The following FGF14 variants were observed in gnomAD, a reference collection of about 807,000 sequenced individuals.
The protein encoded by FGF14 is fibroblast growth factor 14.
Under a neutral mutation model 25.5 loss-of-function variants are expected in FGF14, and 5 were observed. The ratio of observed to expected loss-of-function variants is 0.20; its 90% CI spans 0.10 to 0.41. The LOEUF is 0.41. Ranked by LOEUF, FGF14 falls within the 10% of genes least tolerant of loss-of-function variation. FGF14 has a pLI of 1.00. For synonymous variants in FGF14, 138 were observed against 118.3 expected, an observed-to-expected ratio of 1.17 and a Z score of -1.08; for missense variants, 222 against 320.1, an observed-to-expected ratio of 0.69 and a Z score of 2.34.
At chr13:102,198,228 G>T (rs564612778) in intron 1 of FGF14, among the ~76,000 whole-genome samples, 2 of 152,272 alleles carry the variant, frequency 1.3e-5, no homozygotes, top group East Asian at 3.9e-4. Context: ...ACAGTGCTAG[G>T]CAAGAATCAG....
In FGF14 at chr13:102,041,583, T is replaced by TAAAAAAAAAAAAAAAA. The variant is rs11430268; in HGVS notation, c.209-166288_209-166287insTTTTTTTTTTTTTTTT. Among the ~76,000 whole-genome samples the TAAAAAAAAAAAAAAAA allele has an allele frequency of 1.9e-3, 270 of 141,824 alleles. 2 individuals are homozygous for TAAAAAAAAAAAAAAAA. Among genetic ancestry groups the TAAAAAAAAAAAAAAAA allele is most frequent in the Middle Eastern group, 7.6e-3 (2 of 262 alleles). 93.0% of individuals were successfully genotyped at this position (141,824 alleles called of 152,430 possible). A position where few individuals can be genotyped will look rare whatever the true frequency, so the allele number is the denominator to read the frequency against. On this transcript the variant is annotated intron_variant, in intron 1 of 4. Transcript: ENST00000376131. ...GCAAAAATTACTTTGTGTTTCCATG[T>TAAAAAAAAAAAAAAAA]AAAAAAAAAAAAAGAGAGATTTTAT...
intron 1 of FGF14, among the ~76,000 whole-genome samples, chr13:102,166,072 A>G (rs1312980884): frequency 6.6e-6 from 1 of 151,458 alleles, no homozygotes; most frequent in African/African-American, 2.4e-5. Context: ...CTCTGCATCC[A>G]TTGAACACTC....
At chr13:101,821,122 G>C (rs1334800623) in intron 3 of FGF14, among the ~76,000 whole-genome samples, 1 of 151,404 alleles carries the variant, frequency 6.6e-6, no homozygotes, top group Non-Finnish European at 1.5e-5. Context: ...CTAATTTTTT[G>C]TATTTTTAGT....
intron 2 of FGF14, among the ~76,000 whole-genome samples, chr13:101,873,660 G>T (rs1422623179): frequency 6.6e-6 from 1 of 152,090 alleles, no homozygotes; most frequent in Non-Finnish European, 1.5e-5. Flanking sequence ...AAGGGGAAAA[G>T]AAACTGAGCA....
chr13:102,056,721 T>A (rs1011187059), intron 1 of FGF14, among the ~76,000 whole-genome samples: 1 of 151,210 alleles, frequency 6.6e-6, no homozygotes, highest in Non-Finnish European at 1.5e-5. Flanking sequence ...GATCCTACAG[T>A]GATTCAACAA....
At position 101,932,706 on chromosome 13, in the gene FGF14, G is replaced by A. The variant is rs150334536; in HGVS notation, c.209-57410C>T. 6.7e-3 allele frequency among the ~76,000 whole-genome samples: 993 copies of A among 149,230 alleles called. 7 individuals are homozygous for A. The highest frequency in any genetic ancestry group is 0.023 in the African/African-American group (921 of 40,640). ...CCTAAAATGAAGTTATCTGTCAGTC[G>A]GTTGCCCCTACACACTTTTGATAAA... On this transcript the variant is annotated intron_variant, in intron 1 of 4. Coordinates refer to the FGF14 transcript ENST00000376131.
rs1482743861 is a variant in FGF14, at chr13:101,826,921, C to T, written c.408+41804G>A. Among the ~76,000 whole-genome samples the T allele has an allele frequency of 1.3e-5, 2 of 151,900 alleles. 1 individual carries two copies. The highest frequency in any genetic ancestry group is 6.8e-3 in the Middle Eastern group (2 of 292). On this transcript the variant is annotated intron_variant, in intron 3 of 4. Transcript: ENST00000376143. ...TAGCTTATGAAATAACCAATTGCCT[C>T]GGTAGTCACAGCAATAACTACTAGA...
rs111761648 is a variant in FGF14 at position 102,180,870 on chromosome 13, A to T, written c.208+220601T>A. On this transcript the variant is annotated intron_variant, in intron 1 of 4. Transcript: ENST00000376131. ...CTGGCAAACCTTGTTCACATTACCC[A>T]AAAAGATCTGTTTTATCATGTGGTT... is the stretch of plus-strand genomic sequence containing the variant. Among the ~76,000 whole-genome samples, 233 of 152,272 alleles carry T rather than the reference A, an allele frequency of 1.5e-3. 1 individual carries two copies. The highest frequency in any genetic ancestry group is 5.4e-3 in the African/African-American group (224 of 41,570).
chr13:101,751,038 G>A (rs1476660675), intron 3 of FGF14, among the ~76,000 whole-genome samples: 1 of 152,018 alleles, frequency 6.6e-6, no homozygotes, highest in African/African-American at 2.4e-5. Context: ...GAGGGGGAGG[G>A]TGGAGAGAGG....
At chr13:102,148,014 T>C (rs1017147581) in intron 1 of FGF14, among the ~76,000 whole-genome samples, 4 of 152,216 alleles carry the variant, frequency 2.6e-5, no homozygotes, top group African/African-American at 4.8e-5. Flanking sequence ...AGGTATGTAA[T>C]TTTTTAGCAA....
chr13:101,914,761 A>G (rs1323187), intron 1 of FGF14, among the ~76,000 whole-genome samples: 3,595 of 152,310 alleles, frequency 0.024, 130 homozygotes, highest in African/African-American at 0.082. Flanking sequence ...ATCATTGTTT[A>G]TATTAAAATA....
chr13:102,196,584 T>C (rs1167811642), intron 1 of FGF14, among the ~76,000 whole-genome samples: 1 of 152,240 alleles, frequency 6.6e-6, no homozygotes, highest in Non-Finnish European at 1.5e-5. Flanking sequence ...ATTGTATTTA[T>C]TTATAGCATA....
intron 1 of FGF14, among the ~76,000 whole-genome samples, chr13:102,265,402 C>T (rs1313267697): frequency 6.6e-6 from 1 of 152,078 alleles, no homozygotes; most frequent in African/African-American, 2.4e-5. Flanking sequence ...TGTTGTCGAT[C>T]TCCATCAGAC....
intron 1 of FGF14, among the ~76,000 whole-genome samples, chr13:101,912,662 G>A (rs1405241592): frequency 6.6e-6 from 1 of 151,902 alleles, no homozygotes. Context: ...GGTTGTTTAT[G>A]TTCTTGCATT....
intron 1 of FGF14, among the ~76,000 whole-genome samples, chr13:102,359,865 A>G (rs920149552): frequency 2.6e-5 from 4 of 151,998 alleles, no homozygotes; most frequent in Admixed American, 6.6e-5. Context: ...AAAAAAAAAA[A>G]AACAGTCCAA....
intron 1 of FGF14, among the ~76,000 whole-genome samples, chr13:102,298,399 G>T (rs2138536698): frequency 6.6e-6 from 1 of 152,254 alleles, no homozygotes; most frequent in South Asian, 2.1e-4. Context: ...CAAGGCATGT[G>T]TGTATCATTT....
intron 1 of FGF14, among the ~76,000 whole-genome samples, chr13:101,955,920 C>T (rs1401269242): frequency 6.6e-6 from 1 of 152,216 alleles, no homozygotes; most frequent in Non-Finnish European, 1.5e-5. Flanking sequence ...AAGACAATTG[C>T]TGCCTCGTGT....
intron 3 of FGF14, among the ~76,000 whole-genome samples, chr13:101,843,360 C>A (rs2043286019): frequency 6.6e-6 from 1 of 151,884 alleles, no homozygotes; most frequent in African/African-American, 2.4e-5. Flanking sequence ...AAAGTGTAGT[C>A]ACTGTGTAGA....
chr13:101,831,618 C>T (rs910632239), intron 3 of FGF14, among the ~76,000 whole-genome samples: 1 of 152,024 alleles, frequency 6.6e-6, no homozygotes, highest in African/African-American at 2.4e-5. Flanking sequence ...GCTTTGTTGT[C>T]TCAAGAATTT....
Sources: gnomAD v4.1 joint callset for allele counts (sites outside exome capture counted in the v4.1 genomes callset) on GRCh38, gnomAD v4.1.1 for gene constraint, MANE v1.5 for transcripts, NCBI Gene and HGNC (gene_info 2026-07-23, HGNC 2026-07-21) for gene names.